Variants in KANK3 observed in about 807,000 individuals in gnomAD.
KANK3 encodes the protein KN motif and ankyrin repeat domains 3, also known as KN motif and ankyrin repeat domain-containing protein 3.
KANK3 carries 61 observed loss-of-function variants against 65.4 expected under a neutral mutation model. The ratio of observed to expected loss-of-function variants is 0.93; its 90% confidence interval spans 0.76 to 1.15. The LOEUF is 1.15. KANK3 is among the 50% of genes most tolerant of loss of function. The pLI, the probability that KANK3 is intolerant of heterozygous loss-of-function variation, is 0.00. For synonymous variants in KANK3, 586 were observed against 543.3 expected (o/e 1.08, Z -1.09); for missense variants, 1,187 against 1,178.8 (o/e 1.01, Z -0.10).
Position 8,322,803 on chromosome 19 carries a change from C to T in KANK3, c.*36G>A. ...GCTGAGGTGACTGACGAGGAGATCT[C>T]CCCACAGCTAGGTGTAGTGAGCCAG... On this transcript the variant is annotated 3_prime_UTR_variant, in exon 11 of 11. Coordinates refer to ENST00000330915, the MANE Select transcript of KANK3 (RefSeq NM_198471.3). 1.3e-6 allele frequency: 2 copies of T among 1,505,500 alleles called. No homozygotes were observed. Among genetic ancestry groups the T allele is most frequent in the Middle Eastern group, 1.7e-4 (1 of 5,854 alleles). 93.3% of individuals were successfully genotyped at this position (1,505,500 alleles called of 1,614,324 possible).
At position 8,337,873 on chromosome 19, in the gene KANK3, G is replaced by A; in HGVS notation, c.-28-17C>T. ...AGAGGCACCCTGCAAAAGGGGTGAA[G>A]GTGGGGCTGGGCGCTGTCCCTCTGG... On this transcript the variant is annotated splice_polypyrimidine_tract_variant and intron_variant, in intron 1 of 10. Coordinates refer to ENST00000330915, the MANE Select transcript of KANK3 (RefSeq NM_198471.3). The A allele has an allele frequency of 6.2e-7, 1 of 1,612,664 alleles. No homozygotes were observed. The highest frequency in any genetic ancestry group is 1.1e-5 in the South Asian group (1 of 91,050).
In KANK3 at chr19:8,335,071, C is replaced by A; in HGVS notation, c.756G>T (p.Glu252Asp). 7.6e-7 allele frequency: 1 copy of A among 1,318,634 alleles called. No homozygotes were observed. Among genetic ancestry groups the A allele is most frequent in the Non-Finnish European group, 9.6e-7 (1 of 1,039,356 alleles). The allele number at this position is 1,318,634 out of a possible 1,614,324, so 81.7% of individuals were successfully genotyped here. Residue 252 changes from glutamate (E) to aspartate (D), a missense_variant, in exon 3 of 11, where the codon GAG (glutamate) becomes GAT (aspartate). This residue lies in a region of KANK3 where 1,078 missense variants were observed against 1,038.2 expected (regional missense o/e 1.04). Coordinates refer to ENST00000330915, the MANE Select transcript of KANK3 (RefSeq NM_198471.3). ...CGCCGCGCTCGGAGGTGGCCAGGCG[C>A]TCGGTGAGCCGCCGCAGCTGGGCGA... ...DKLAQLRRLT[E>D]RLATSERGGR...
intron 1 of KANK3, among the ~76,000 whole-genome samples, chr19:8,339,108 G>A (rs1229947555): frequency 1.3e-5 from 2 of 152,070 alleles, no homozygotes; most frequent in African/African-American, 4.8e-5. Flanking sequence ...TGGGTTGTCA[G>A]AGCTGTGACT....
intron 1 of KANK3, among the ~76,000 whole-genome samples, chr19:8,342,936 G>A (rs972389990): frequency 1.3e-5 from 2 of 152,120 alleles, no homozygotes; most frequent in African/African-American, 4.8e-5. Context: ...CCCGGGAAAG[G>A]GTCCCAGGGC....
chr19:8,327,022 T>C (rs1255989185), intron 7 of KANK3, among the ~76,000 whole-genome samples: 1 of 152,126 alleles, frequency 6.6e-6, no homozygotes, highest in East Asian at 1.9e-4. Context: ...TGGATGATAT[T>C]TCCTGGAGTG....
intron 10 of KANK3, 54 bp downstream of exon 10, chr19:8,324,395 C>T: frequency 1.3e-6 from 2 of 1,505,632 alleles, no homozygotes; most frequent in Non-Finnish European, 9.0e-7. Flanking sequence ...TTACTATCCT[C>T]TGCAAACTGA....
At position 8,324,901 on chromosome 19, in the gene KANK3, A is replaced by G. The variant is rs757309410; in HGVS notation, c.2082+50T>C. 6.9e-6 allele frequency: 11 copies of G among 1,604,260 alleles called. No individual in the cohort carries two copies. In the South Asian group the frequency reaches 1.2e-4, roughly 18 times the overall value. ...GAAGGGAGGTCACAGGTTGACTCCC[A>G]AAGTGGAAGTGACTCCTGGCTGAGA... On this transcript the variant is annotated intron_variant, in intron 8 of 10. Coordinates refer to ENST00000330915, the MANE Select transcript of KANK3 (RefSeq NM_198471.3).
chr19:8,331,351 A>C (rs1367019171), intron 7 of KANK3, among the ~76,000 whole-genome samples: 1 of 150,850 alleles, frequency 6.6e-6, no homozygotes, highest in Non-Finnish European at 1.5e-5. Context: ...AAATTCACTT[A>C]GATTCATTCA....
chr19:8,332,985 T>TTTTGG, intron 7 of KANK3, 29 bp downstream of exon 7: 8 of 585,680 alleles, frequency 1.4e-5, no homozygotes, highest in Admixed American at 2.5e-5. Context: ...CATTTCCTGG[T>TTTTGG]GTCCCACCCA....
intron 10 of KANK3, 45 bp from the exon 11 acceptor site, chr19:8,322,967 G>T: frequency 9.0e-7 from 1 of 1,112,630 alleles, no homozygotes; most frequent in Non-Finnish European, 1.3e-6. Flanking sequence ...ATCTCCTTGA[G>T]GCAGGAAACG....
chr19:8,322,877 C>A lies in KANK3; in HGVS notation c.2428G>T (p.Glu810Ter). 1 of 1,585,234 alleles carries A rather than the reference C, an allele frequency of 6.3e-7. No homozygotes were observed. Among genetic ancestry groups the A allele is most frequent in the Admixed American group, 1.8e-5 (1 of 55,300 alleles). ...GSQTATPGEGECGDNGENPQV... is the reference protein window; with the variant it reads ...GSQTATPGEG ...GGGTTCTCTCCATTGTCACCGCATT[C>A]TCCTTCACCAGGTGTGGCTGTCTGG... The change falls in exon 11 of 11, where the codon GAA becomes TAA. Residue 810 changes from glutamate to a stop codon, truncating the protein, a stop_gained. Transcript: ENST00000330915. LOFTEE classifies it low-confidence loss of function (END_TRUNC).
At chr19:8,335,951 C>G (rs1244183657) in intron 2 of KANK3, among the ~76,000 whole-genome samples, 159 bp from the exon 3 acceptor site, 1 of 152,256 alleles carries the variant, frequency 6.6e-6, no homozygotes, top group African/African-American at 2.4e-5. Flanking sequence ...CTACTCTGTG[C>G]TAAGCAAGTT....
Position 8,333,280 on chromosome 19 carries a change from C to A in KANK3, c.1720-50G>T. ...ACATCGGCGATGGTCCACGGCGGCGCCGTGGTGGGGGAGCTGGGGAGGGGC... is the reference window on the plus strand; with the variant it reads ...ACATCGGCGATGGTCCACGGCGGCGACGTGGTGGGGGAGCTGGGGAGGGGC... On this transcript the variant is annotated intron_variant, in intron 6 of 10. Transcript: ENST00000330915. This position sits in a 1 kb window ranked among gnomAD's most constrained non-coding sequence, Gnocchi z 5.0. 6.7e-7 allele frequency: 1 copy of A among 1,488,296 alleles called. No individual in the cohort carries two copies. Among genetic ancestry groups the A allele is most frequent in the Non-Finnish European group, 9.1e-7 (1 of 1,093,180 alleles). The allele number at this position is 1,488,296 out of a possible 1,614,324, so 92.2% of individuals were successfully genotyped here.
In KANK3 at chr19:8,337,772, C is replaced by T. The variant is rs749667052; in HGVS notation, c.34+23G>A. ...CTCTGTGCATGCGCACACACACACA[C>T]ATCTCTCTTTTTGCACACTCACCGG... On this transcript the variant is annotated intron_variant, in intron 2 of 10. Coordinates refer to ENST00000330915, the MANE Select transcript of KANK3 (RefSeq NM_198471.3). 42 of 1,611,770 alleles carry T rather than the reference C, an allele frequency of 2.6e-5. No homozygotes were observed. The East Asian group carries it at 8.9e-4, about 34-fold the overall frequency.
intron 7 of KANK3, among the ~76,000 whole-genome samples, chr19:8,328,133 CCGGGTGT>C (rs1970459817): frequency 6.6e-6 from 1 of 152,024 alleles, no homozygotes. Flanking sequence ...CAAAAATTAG[CCGGGTGT>C]GGTGGAGAAC....
intron 1 of KANK3, among the ~76,000 whole-genome samples, chr19:8,339,096 C>T (rs978320034): frequency 5.3e-5 from 8 of 151,950 alleles, no homozygotes; most frequent in Admixed American, 3.3e-4. Context: ...ACACAAAACA[C>T]CTGGGTTGTC....
Position 8,324,983 on chromosome 19 carries a change from A to G in KANK3, c.2050T>C (p.Cys684Arg), listed in dbSNP as rs1192924460. 4.3e-6 allele frequency: 7 copies of G among 1,613,274 alleles called. No individual in the cohort carries two copies. In the Admixed American group the frequency reaches 6.7e-5, roughly 15 times the overall value. Reference protein sequence around the residue: ...EDMAVVQRLFCMGDVNAKASQ... With the variant: ...EDMAVVQRLFRMGDVNAKASQ... ...GCCTTGGCATTGACATCACCCATGC[A>G]GAAGAGTCTCTGGACCACAGCCATG... Residue 684 changes from cysteine to arginine, a missense_variant, in exon 8 of 11, where the codon TGC becomes CGC. Transcript: ENST00000330915.
intron 7 of KANK3, among the ~76,000 whole-genome samples, chr19:8,330,325 T>G (rs1032175304): frequency 6.6e-6 from 1 of 152,144 alleles, no homozygotes; most frequent in Non-Finnish European, 1.5e-5. Context: ...CTGGGCACAC[T>G]GGCTCACGCC....
At chr19:8,332,372 T>C (rs1416818645) in intron 7 of KANK3, among the ~76,000 whole-genome samples, 2 of 151,560 alleles carry the variant, frequency 1.3e-5, no homozygotes, top group African/African-American at 2.4e-5. Context: ...GAGATGGGGT[T>C]TTGCCATGTT....
Sources: allele counts gnomAD v4.1 joint callset (sites outside exome capture counted in the v4.1 genomes callset), GRCh38; gene constraint gnomAD v4.1.1; regional missense constraint gnomAD v4.1.1; non-coding constraint Gnocchi (gnomAD v3.1); transcripts MANE v1.5; gene names NCBI Gene and HGNC (gene_info 2026-07-23, HGNC 2026-07-21).